CNPPD1: variants seen among roughly 807,000 people sequenced by gnomAD.
The protein encoded by CNPPD1 is cyclin Pas1/PHO80 domain containing 1.
A neutral mutation model predicts 43.7 loss-of-function variants in CNPPD1; 40 were observed. The observed-to-expected ratio is 0.92, with a 90% CI of 0.71 to 1.19. The LOEUF is 1.19. Ranked by LOEUF, CNPPD1 falls within the 50% of genes most tolerant of loss-of-function variation. The probability of loss-of-function intolerance (pLI) is 0.00; values close to 1 mark genes in which losing one functional copy is unlikely to be tolerated. For synonymous variants in CNPPD1, 208 were observed against 214.3 expected (o/e 0.97, Z 0.26); for missense variants, 511 against 518.5 (o/e 0.99, Z 0.14).
In CNPPD1 at chr2:219,175,672, T is replaced by C; in HGVS notation, c.179A>G (p.Asp60Gly). Residue 60 changes from aspartate (D) to glycine (G), a missense_variant and splice_region_variant, in exon 3 of 8, where the codon GAC (aspartate) becomes GGC (glycine). Asp to Gly is a moderately conservative substitution (Grantham distance 94). Coordinates refer to ENST00000360507, the MANE Select transcript of CNPPD1 (RefSeq NM_015680.6). Reference sequence around the variant, plus strand: ...CTTCTGGAGCAGTTCGACAGCAATGTCTGCAAGGGACAGAAGGAAGGCCGA... The same window carrying C: ...CTTCTGGAGCAGTTCGACAGCAATGCCTGCAAGGGACAGAAGGAAGGCCGA... ...SLEELSSPVA[D>G]IAVELLQKAA... is the part of the protein sequence containing the mutation. The C allele has an allele frequency of 3.1e-6, 5 of 1,613,848 alleles. No homozygotes were observed. The highest frequency in any genetic ancestry group is 2.5e-6 in the Non-Finnish European group (3 of 1,179,836).
In CNPPD1 at chr2:219,176,889, C is replaced by T. The variant is rs1950177267; in HGVS notation, c.-61G>A. ...AAGGAAACGAGTTGTAGGGGGCTCG[C>T]GGAGCTGTCCTTGCCCGCCTGTCCA... is the stretch of plus-strand genomic sequence containing the variant. On this transcript the variant is annotated 5_prime_UTR_variant, in exon 1 of 8. Transcript: ENST00000360507. 7.0e-7 allele frequency: 1 copy of T among 1,419,048 alleles called. No homozygotes were observed. The highest frequency in any genetic ancestry group is 1.3e-5 in the South Asian group (1 of 79,610). 87.9% of individuals were successfully genotyped at this position (1,419,048 alleles called of 1,614,324 possible).
chr2:219,176,688 C>T, intron 1 of CNPPD1, 72 bp downstream of exon 1: 1 of 1,190,108 alleles, frequency 8.4e-7, no homozygotes. Context: ...AGCAGTCAGG[C>T]GAGCTCGCAG....
Position 219,175,680 on chromosome 2 carries a change from G to C in CNPPD1, c.179-8C>G. Reference sequence around the variant, plus strand: ...GCAGTTCGACAGCAATGTCTGCAAGGGACAGAAGGAAGGCCGAGTGAGCAA... The same window carrying C: ...GCAGTTCGACAGCAATGTCTGCAAGCGACAGAAGGAAGGCCGAGTGAGCAA... On this transcript the variant is annotated splice_region_variant and splice_polypyrimidine_tract_variant and intron_variant, in intron 2 of 7. Coordinates refer to ENST00000360507, the MANE Select transcript of CNPPD1 (RefSeq NM_015680.6). 6.2e-7 allele frequency: 1 copy of C among 1,613,414 alleles called. No individual in the cohort carries two copies.
At chr2:219,173,497 T>G (rs201939820) in intron 6 of CNPPD1, 30 bp from the exon 7 acceptor site, 13 of 1,601,098 alleles carry the variant, frequency 8.1e-6, no homozygotes, top group Non-Finnish European at 1.1e-5. Context: ...GACAAGAGTA[T>G]GCAACTGTCC....
chr2:219,173,042 C>T lies in CNPPD1; in HGVS notation c.777G>A (p.Leu259=), dbSNP rs781281442. The stretch of plus-strand genomic sequence containing the variant: ...GCGGCCCAGGTGTAGGGATGCAGGA[C>T]AGCCCCAAAGACTGATGTATTACGG... ...SVAVIHQSLG[L]SCIPTPGPPD... is the part of the protein sequence containing the mutation. The change falls in exon 8 of 8, where the codon CTG becomes CTA. Residue 259 remains leucine, a synonymous_variant. Transcript: ENST00000360507. 21 of 1,612,642 alleles carry T rather than the reference C, an allele frequency of 1.3e-5. 1 individual carries two copies. In the South Asian group the frequency reaches 2.1e-4, roughly 16 times the overall value.
intron 3 of CNPPD1, 124 bp from the exon 4 acceptor site, chr2:219,175,232 G>T: frequency 7.8e-7 from 1 of 1,275,652 alleles, no homozygotes; most frequent in Non-Finnish European, 1.1e-6. Context: ...TGGGCACGGT[G>T]GCTCATGTCT....
chr2:219,175,217 C>A (rs61153617), intron 3 of CNPPD1, 109 bp from the exon 4 acceptor site: 1 of 1,386,582 alleles, frequency 7.2e-7, no homozygotes. Flanking sequence ...AAAACTATTC[C>A]TGGCTGGGCA....
chr2:219,174,702 T>A, intron 5 of CNPPD1, 76 bp downstream of exon 5: 2 of 1,507,280 alleles, frequency 1.3e-6, no homozygotes, highest in East Asian at 4.5e-5. Context: ...AACAGAAGAC[T>A]GAGAGAGAAC....
rs1339306227 is a variant in CNPPD1, at chr2:219,172,600, C to T, written c.1219G>A (p.Val407Ile). 3.2e-5 allele frequency: 51 copies of T among 1,613,998 alleles called. 1 individual carries two copies. Among genetic ancestry groups the T allele is most frequent in the East Asian group, 1.3e-4 (6 of 44,894 alleles). ...VMELARLKSF[V>I]FPG is the part of the protein sequence containing the mutation. Reference sequence around the variant, plus strand: ...CACAGCCCTACCTAGCCTGGGAAAACGAAAGACTTGAGGCGAGCCAGCTCC... The same window carrying T: ...CACAGCCCTACCTAGCCTGGGAAAATGAAAGACTTGAGGCGAGCCAGCTCC... The change falls in exon 8 of 8, where the codon GTT becomes ATT. Residue 407 changes from valine (V) to isoleucine (I), a missense_variant. Val to Ile is a conservative substitution (Grantham distance 29). Transcript: ENST00000360507.
chr2:219,173,110 C>T lies in CNPPD1; in HGVS notation c.709G>A (p.Val237Met). Residue 237 changes from valine (V) to methionine (M), a missense_variant, in exon 8 of 8, where the codon GTG becomes ATG. By Grantham distance (21) the Val-to-Met change is conservative. Transcript: ENST00000360507. Reference protein sequence around the residue: ...RLVKLSCLLAVAYVSSVALAV... With the variant: ...RLVKLSCLLAMAYVSSVALAV... ...AGGGCCACACTGCTCACATATGCCA[C>T]AGCTAACAGGCAAGACAGCTGCAGG... 3 of 1,587,608 alleles carry T rather than the reference C, an allele frequency of 1.9e-6. No individual in the cohort carries two copies. The highest frequency in any genetic ancestry group is 2.2e-5 in the South Asian group (2 of 89,008).
chr2:219,175,708 A>G, intron 2 of CNPPD1, 36 bp from the exon 3 acceptor site: 1 of 1,580,476 alleles, frequency 6.3e-7, no homozygotes, highest in Non-Finnish European at 8.7e-7. Flanking sequence ...GTGAGCAAAC[A>G]AGCACCCACA....
rs763223182 is a variant in CNPPD1, at chr2:219,176,325, G to A, written c.76C>T (p.Pro26Ser). The A allele has an allele frequency of 5.0e-6, 8 of 1,613,172 alleles. No individual in the cohort carries two copies. The highest frequency in any genetic ancestry group is 6.8e-6 in the Non-Finnish European group (8 of 1,179,086). ...LAGFQDFTFL[P>S]GHQKLSARIR... ...CGGGCACTCAGCTTCTGGTGTCCTG[G>A]GAGGAACTGAAACAGGGCAGGGGCA... The change falls in exon 2 of 8, where the codon CCA becomes TCA. Residue 26 changes from proline (P) to serine (S), a missense_variant. Physicochemically the swap from Pro to Ser is moderately conservative, Grantham distance 74. Coordinates refer to ENST00000360507, the MANE Select transcript of CNPPD1 (RefSeq NM_015680.6).
At chr2:219,177,008 A>T, upstream of CNPPD1, 1 of 555,364 alleles carries the variant, frequency 1.8e-6, no homozygotes. Context: ...CCCGGGCTGA[A>T]CTGGGCGCCT....
chr2:219,176,633 C>T, intron 1 of CNPPD1, 127 bp downstream of exon 1: 3 of 756,548 alleles, frequency 4.0e-6, no homozygotes, highest in Non-Finnish European at 6.4e-6. Context: ...GCAGCCGCGG[C>T]CTCAAGGAAG....
At chr2:219,175,924 G>T (rs1950151517) in intron 2 of CNPPD1, among the ~76,000 whole-genome samples, 1 of 152,232 alleles carries the variant, frequency 6.6e-6, no homozygotes, top group African/African-American at 2.4e-5. Flanking sequence ...TGTCACTGCT[G>T]TTCATCTGTG....
Position 219,174,997 on chromosome 2 carries a change from C to G in CNPPD1, c.372G>C (p.Leu124=), listed in dbSNP as rs549300776. The change falls in exon 4 of 8, where the codon CTG becomes CTC. Residue 124 remains leucine (L), a synonymous_variant. Transcript: ENST00000360507. The stretch of plus-strand genomic sequence containing the variant: ...GGAGGGGGTGTCTTACCATGGAGAT[C>G]AGGAACAAGTCAGAGGATGACACAT... ...LQHVSSSDLF[L]ISMMVASKYL... The G allele has an allele frequency of 6.2e-7, 1 of 1,613,938 alleles. No homozygotes were observed. Among genetic ancestry groups the G allele is most frequent in the African/African-American group, 1.3e-5 (1 of 74,950 alleles).
rs1283414822 is a variant in CNPPD1 at position 219,173,040 on chromosome 2, G to A, written c.779C>T (p.Ser260Phe). 2 of 1,612,596 alleles carry A rather than the reference G, an allele frequency of 1.2e-6. No homozygotes were observed. Among genetic ancestry groups the A allele is most frequent in the East Asian group, 2.2e-5 (1 of 44,894 alleles). The change falls in exon 8 of 8, where the codon TCC becomes TTC. Residue 260 changes from serine to phenylalanine, a missense_variant. Physicochemically the swap from Ser to Phe is radical, Grantham distance 155 (BLOSUM62 -2). Transcript: ENST00000360507. ...VAVIHQSLGL[S>F]CIPTPGPPDL... ...AGGCGGCCCAGGTGTAGGGATGCAG[G>A]ACAGCCCCAAAGACTGATGTATTAC... is the stretch of plus-strand genomic sequence containing the variant.
chr2:219,176,731 GC>G, intron 1 of CNPPD1, 28 bp downstream of exon 1: 2 of 1,522,338 alleles, frequency 1.3e-6, no homozygotes, highest in Non-Finnish European at 1.8e-6. Flanking sequence ...GCGCCGGGAG[GC>G]CGGGGAGGGG....
intron 2 of CNPPD1, 88 bp downstream of exon 2, chr2:219,176,135 C>A: frequency 1.1e-6 from 1 of 943,340 alleles, no homozygotes; most frequent in South Asian, 1.4e-5. Flanking sequence ...GACAGTGTAG[C>A]CACGGGGCAA....
Sources: gnomAD v4.1 joint callset for allele counts (sites outside exome capture counted in the v4.1 genomes callset) on GRCh38, gnomAD v4.1.1 for gene constraint, MANE v1.5 for transcripts, NCBI Gene and HGNC (gene_info 2026-07-23, HGNC 2026-07-21) for gene names.